Variants in ST6GALNAC3 observed in about 807,000 individuals in gnomAD.
The protein encoded by ST6GALNAC3 is ST6 N-acetylgalactosaminide alpha-2,6-sialyltransferase 3.
In ST6GALNAC3, 25 loss-of-function variants were observed where a neutral mutation model predicts 32.7. That is an observed-to-expected ratio of 0.76 (90% confidence interval 0.56 to 1.07). The LOEUF (loss-of-function observed/expected upper bound fraction) is 1.07, where lower values mean the gene tolerates loss of function less well. Among genes scored for constraint, ST6GALNAC3 ranks in the 50% least tolerant of loss-of-function variants. ST6GALNAC3 has a pLI of 0.00. For synonymous variants in ST6GALNAC3, 129 were observed against 133.1 expected, an observed-to-expected ratio of 0.97 and a Z score of 0.21; for missense variants, 355 against 382.4, an observed-to-expected ratio of 0.93 and a Z score of 0.60.
intron 1 of ST6GALNAC3, among the ~76,000 whole-genome samples, chr1:76,304,858 C>T (rs551535302): frequency 9.9e-5 from 15 of 152,184 alleles, no homozygotes; most frequent in African/African-American, 3.4e-4. Flanking sequence ...GTGTCCTGAA[C>T]ACCTTGGAGG....
chr1:76,476,985 A>T (rs539818643), intron 3 of ST6GALNAC3, among the ~76,000 whole-genome samples: 67 of 152,176 alleles, frequency 4.4e-4, no homozygotes, highest in Non-Finnish European at 8.2e-4. Context: ...GGAGTGAAAT[A>T]TCTTCCTGGA....
At chr1:76,537,006 A>G (rs951601818) in intron 3 of ST6GALNAC3, among the ~76,000 whole-genome samples, 1 of 151,768 alleles carries the variant, frequency 6.6e-6, no homozygotes, top group Non-Finnish European at 1.5e-5. Context: ...TATCTACAGA[A>G]CTCTCCACGC....
At chr1:76,500,441 A>T (rs1316574899) in intron 3 of ST6GALNAC3, among the ~76,000 whole-genome samples, 1 of 152,180 alleles carries the variant, frequency 6.6e-6, no homozygotes. Context: ...ATTAAGATTC[A>T]TTCTGTAGGG....
chr1:76,630,642 C>A lies in ST6GALNAC3; in HGVS notation c.*1836C>A. Reference sequence around the variant, plus strand: ...TACTAGTGCTAAGTATTATGGTGAGCTATCATTAAAGTGTGCCATCTTGGA... The same window carrying A: ...TACTAGTGCTAAGTATTATGGTGAGATATCATTAAAGTGTGCCATCTTGGA... On this transcript the variant is annotated 3_prime_UTR_variant, in exon 5 of 5. Transcript: ENST00000328299. 1 of 985,600 alleles carries A rather than the reference C, an allele frequency of 1.0e-6. No homozygotes were observed. Among genetic ancestry groups the A allele is most frequent in the Non-Finnish European group, 1.2e-6 (1 of 829,814 alleles). The allele number at this position is 985,600 out of a possible 1,614,324, so 61.1% of individuals were successfully genotyped here.
intron 2 of ST6GALNAC3, among the ~76,000 whole-genome samples, chr1:76,357,130 C>CTTTCTTTTTTTTTTTTTTTT (rs1165946045): frequency 9.0e-6 from 1 of 111,176 alleles, no homozygotes; most frequent in African/African-American, 3.4e-5. Flanking sequence ...TTTTCTTTTT[C>CTTTCTTTTTTTTTTTTTTTT]TTTTTTTTTT....
At chr1:76,559,946 C>T (rs1045405948) in intron 3 of ST6GALNAC3, among the ~76,000 whole-genome samples, 2 of 152,074 alleles carry the variant, frequency 1.3e-5, no homozygotes, top group Non-Finnish European at 2.9e-5. Context: ...GCATAAAGAT[C>T]ATCCTAAAAG....
intron 3 of ST6GALNAC3, among the ~76,000 whole-genome samples, chr1:76,439,530 C>T (rs1287912995): frequency 6.6e-6 from 1 of 152,170 alleles, no homozygotes; most frequent in Non-Finnish European, 1.5e-5. Flanking sequence ...AGCTCAGAAA[C>T]CATTTCTGTC....
intron 1 of ST6GALNAC3, among the ~76,000 whole-genome samples, chr1:76,080,938 G>A (rs558840776): frequency 5.3e-5 from 8 of 152,306 alleles, no homozygotes; most frequent in Admixed American, 3.3e-4. Flanking sequence ...CTTTTGCTAC[G>A]TATATCAGCA....
intron 3 of ST6GALNAC3, among the ~76,000 whole-genome samples, chr1:76,552,585 T>C (rs543291090): frequency 1.3e-5 from 2 of 152,296 alleles, no homozygotes; most frequent in South Asian, 4.1e-4. Flanking sequence ...GTTACCTTTA[T>C]GTTGATCATG....
Position 76,442,631 on chromosome 1 carries a change from C to T in ST6GALNAC3, c.623+30214C>T, listed in dbSNP as rs144873977. 1.6e-3 allele frequency among the ~76,000 whole-genome samples: 247 copies of T among 152,226 alleles called. 1 individual carries two copies. The highest frequency in any genetic ancestry group is 6.8e-3 in the Middle Eastern group (2 of 294). The stretch of plus-strand genomic sequence containing the variant: ...ACATCCTACTTTTTCCATCTGTTCC[C>T]GGCAACAGATGTGTTATTTGACAAG... On this transcript the variant is annotated intron_variant, in intron 3 of 4. Transcript: ENST00000328299.
At chr1:76,547,576 T>C (rs1402483731) in intron 3 of ST6GALNAC3, among the ~76,000 whole-genome samples, 1 of 152,086 alleles carries the variant, frequency 6.6e-6, no homozygotes, top group Admixed American at 6.5e-5. Flanking sequence ...ACTAATGGTG[T>C]ACTTGGTGGA....
At chr1:76,148,294 T>C (rs1399531003) in intron 1 of ST6GALNAC3, among the ~76,000 whole-genome samples, 4 of 152,334 alleles carry the variant, frequency 2.6e-5, no homozygotes, top group South Asian at 4.1e-4. Context: ...CTTTGATATA[T>C]AACAAAGCTC....
intron 4 of ST6GALNAC3, 46 bp downstream of exon 4, chr1:76,627,605 C>G (rs765137786): frequency 2.2e-6 from 3 of 1,338,376 alleles, no homozygotes; most frequent in Non-Finnish European, 3.2e-6. Context: ...ATTCGGAGAT[C>G]TTGTCAAAAT....
chr1:76,475,988 C>A (rs554995528), intron 3 of ST6GALNAC3, among the ~76,000 whole-genome samples: 7 of 152,214 alleles, frequency 4.6e-5, no homozygotes, highest in Admixed American at 2.0e-4. Flanking sequence ...CTGAGAATGA[C>A]GATTTCCAGC....
rs151054931 is a variant in ST6GALNAC3 at position 76,460,021 on chromosome 1, T to C, written c.623+47604T>C. ...AATACTTAGGAGTAGAATTGATGGA[T>C]ACAGTAAGTCTATGTTTAATTTATT... On this transcript the variant is annotated intron_variant, in intron 3 of 4. Transcript: ENST00000328299. 2.6e-3 allele frequency among the ~76,000 whole-genome samples: 392 copies of C among 152,312 alleles called. 5 individuals carry two copies. The highest frequency in any genetic ancestry group is 8.9e-3 in the African/African-American group (370 of 41,570).
At chr1:76,084,950 A>G (rs1251071052) in intron 1 of ST6GALNAC3, among the ~76,000 whole-genome samples, 2 of 152,212 alleles carry the variant, frequency 1.3e-5, no homozygotes, top group Non-Finnish European at 2.9e-5. Flanking sequence ...GTTTCATTTG[A>G]CAGATGACAA....
At position 76,528,765 on chromosome 1, in the gene ST6GALNAC3, C is replaced by T. The variant is rs1160562169; in HGVS notation, c.624-98687C>T. ...TCCACATATACGAGTGAGAAAACAA[C>T]GAGCAAGAATATCTTTGTTCAGGTG... On this transcript the variant is annotated intron_variant, in intron 3 of 4. Transcript: ENST00000328299. 2.0e-5 allele frequency among the ~76,000 whole-genome samples: 3 copies of T among 151,296 alleles called. No homozygotes were observed. The Admixed American group carries it at 2.0e-4, about 10-fold the overall frequency.
chr1:76,437,807 C>T (rs954285976), intron 3 of ST6GALNAC3, among the ~76,000 whole-genome samples: 3 of 151,940 alleles, frequency 2.0e-5, no homozygotes, highest in African/African-American at 7.3e-5. Context: ...ATCTCTTGAC[C>T]TCATGATCCA....
At chr1:76,498,728 A>G (rs1477365899) in intron 3 of ST6GALNAC3, among the ~76,000 whole-genome samples, 3 of 32,080 alleles carry the variant, frequency 9.4e-5, no homozygotes, top group Non-Finnish European at 5.2e-4. Flanking sequence ...AACAAAGCAG[A>G]AAAAAAAAAA....
Sources: gnomAD v4.1 joint callset for allele counts (sites outside exome capture counted in the v4.1 genomes callset) on GRCh38, gnomAD v4.1.1 for gene constraint, MANE v1.5 for transcripts, NCBI Gene and HGNC (gene_info 2026-07-23, HGNC 2026-07-21) for gene names.